CASK: variants seen among roughly 807,000 people sequenced by gnomAD.
CASK encodes peripheral plasma membrane protein CASK.
Under a neutral mutation model 82.9 loss-of-function variants are expected in CASK, and 4 were observed. The observed-to-expected ratio is 0.05, with a 90% CI of 0.02 to 0.11. CASK has a LOEUF of 0.11. Among genes scored for constraint, CASK ranks in the 10% least tolerant of loss-of-function variants. CASK has a pLI of 1.00. For synonymous variants in CASK, 259 were observed against 253.5 expected (o/e 1.02, Z -0.20); for missense variants, 358 against 720.9 (o/e 0.50, Z 5.76).
Position 41,530,473 on chromosome X carries a change from G to C in CASK, c.2520+534C>G, listed in dbSNP as rs112039391. ...TGTGCTCAGGTAAGGAAATGGCAGA[G>C]GCTGAGAGCCACCATGGGTTTCCAT... is the stretch of plus-strand genomic sequence containing the variant. On this transcript the variant is annotated intron_variant, in intron 25 of 26. Transcript: ENST00000378163. Among the ~76,000 whole-genome samples the C allele has an allele frequency of 5.3e-3, 596 of 112,153 alleles. 2 individuals carry two copies. Among genetic ancestry groups the C allele is most frequent in the African/African-American group, 0.017 (534 of 30,880 alleles).
At chrX:41,863,361 G>T (rs1336175446) in intron 1 of CASK, among the ~76,000 whole-genome samples, 1 of 111,617 alleles carries the variant, frequency 9.0e-6, no homozygotes, top group Non-Finnish European at 1.9e-5. Flanking sequence ...AGCACTTCAG[G>T]ATACAGAGGA....
At chrX:41,563,401 T>C (rs1416310658) in intron 16 of CASK, among the ~76,000 whole-genome samples, 1 of 94,735 alleles carries the variant, frequency 1.1e-5, no homozygotes, top group Non-Finnish European at 2.1e-5. Flanking sequence ...AAATGAACTA[T>C]GTGTCAAATT....
intron 5 of CASK, among the ~76,000 whole-genome samples, chrX:41,691,546 T>A (rs1198955621): frequency 1.8e-5 from 2 of 110,746 alleles, no homozygotes; most frequent in African/African-American, 6.6e-5. Context: ...GAGTCCTAAC[T>A]TGGGCACTGT....
intron 16 of CASK, chrX:41,562,644 A>T (rs1458799422): frequency 3.6e-5 from 4 of 112,043 alleles, no homozygotes; most frequent in African/African-American, 1.3e-4. Context: ...GTCAATGAAA[A>T]ATATCATAAT....
chrX:41,724,863 C>T (rs774096784), intron 5 of CASK, among the ~76,000 whole-genome samples: 6 of 112,029 alleles, frequency 5.4e-5, no homozygotes, highest in Non-Finnish European at 9.4e-5. Context: ...TATGCATTAT[C>T]TGCACAAGGT....
intron 12 of CASK, among the ~76,000 whole-genome samples, chrX:41,597,195 T>G (rs1001548578): frequency 8.9e-6 from 1 of 112,041 alleles, no homozygotes. Flanking sequence ...ATAAAATAAT[T>G]ATCACTGAGT....
intron 11 of CASK, among the ~76,000 whole-genome samples, chrX:41,620,540 T>C (rs754427929): frequency 7.2e-5 from 8 of 111,655 alleles, no homozygotes; most frequent in African/African-American, 2.6e-4. Flanking sequence ...CAATACTTTT[T>C]AAAAAAAATC....
At chrX:41,528,217 A>G (rs745449546) in intron 25 of CASK, among the ~76,000 whole-genome samples, 50 of 112,904 alleles carry the variant, frequency 4.4e-4, no homozygotes, top group Admixed American at 2.9e-3. Flanking sequence ...TCATAGGGTT[A>G]CAAGGATTAG....
At chrX:41,788,343 G>A (rs1051725763) in intron 2 of CASK, among the ~76,000 whole-genome samples, 14 of 110,557 alleles carry the variant, frequency 1.3e-4, no homozygotes, top group African/African-American at 3.9e-4. Context: ...CATGGAAATC[G>A]CTTGCCATGT....
At position 41,745,850 on chromosome X, in the gene CASK, A is replaced by G. The variant is rs2068677834; in HGVS notation, c.279-249T>C. Among the ~76,000 whole-genome samples the G allele has an allele frequency of 4.5e-5, 5 of 112,172 alleles. No individual in the cohort carries two copies. In the Admixed American group the frequency reaches 4.7e-4, roughly 11 times the overall value. On this transcript the variant is annotated intron_variant, in intron 3 of 26. Coordinates refer to ENST00000378163, the MANE Select transcript of CASK (RefSeq NM_001367721.1). ...AGTAATATCAAATAACATTGAGTAT[A>G]TAAAATTGACTATAATTTTTCTTTA...
At chrX:41,919,968 A>G (rs181699220) in intron 1 of CASK, among the ~76,000 whole-genome samples, 2,374 of 111,871 alleles carry the variant, frequency 0.021, 35 homozygotes, top group Admixed American at 0.051. Context: ...TTCTCAACCA[A>G]GGGGGAAAAA....
At chrX:41,842,838 A>T (rs1433299039) in intron 2 of CASK, among the ~76,000 whole-genome samples, 1 of 111,612 alleles carries the variant, frequency 9.0e-6, no homozygotes, top group Non-Finnish European at 1.9e-5. Context: ...GGACTTCCTT[A>T]ATTTTTCTCA....
chrX:41,706,130 A>G (rs1309007439), intron 5 of CASK, among the ~76,000 whole-genome samples: 1 of 111,926 alleles, frequency 8.9e-6, no homozygotes, highest in African/African-American at 3.3e-5. Flanking sequence ...AATAACTTTC[A>G]GCTGGCTGCA....
At chrX:41,566,466 G>T (rs1054070555) in intron 16 of CASK, among the ~76,000 whole-genome samples, 3 of 111,431 alleles carry the variant, frequency 2.7e-5, no homozygotes, top group African/African-American at 9.8e-5. Flanking sequence ...GCCAAATCAT[G>T]AGTGAACTCC....
chrX:41,867,218 G>A (rs1283335671), intron 1 of CASK, among the ~76,000 whole-genome samples: 2 of 111,947 alleles, frequency 1.8e-5, no homozygotes, highest in East Asian at 2.8e-4. Context: ...CTAGTTCTCT[G>A]AAGGCAGGAA....
intron 2 of CASK, among the ~76,000 whole-genome samples, chrX:41,837,553 A>G (rs976943153): frequency 8.9e-6 from 1 of 112,209 alleles, no homozygotes; most frequent in African/African-American, 3.2e-5. Flanking sequence ...CCAGTTCTAT[A>G]ATTTTATCAC....
intron 1 of CASK, among the ~76,000 whole-genome samples, chrX:41,908,428 C>A (rs960918831): frequency 9.0e-6 from 1 of 111,598 alleles, no homozygotes; most frequent in African/African-American, 3.3e-5. Flanking sequence ...CTAAACTTGG[C>A]AGTCACAAGG....
At chrX:41,626,011 C>T (rs1164912311) in intron 10 of CASK, among the ~76,000 whole-genome samples, 3 of 91,821 alleles carry the variant, frequency 3.3e-5, no homozygotes, top group Non-Finnish European at 6.2e-5. Flanking sequence ...GCCATGTTGG[C>T]CAGGCTGGTC....
intron 21 of CASK, chrX:41,552,580 C>T (rs747645754): frequency 1.8e-5 from 2 of 111,733 alleles, no homozygotes; most frequent in African/African-American, 6.5e-5. Flanking sequence ...GGCATCATCA[C>T]GGCAACGACT....
Sources: gnomAD v4.1 joint callset for allele counts (sites outside exome capture counted in the v4.1 genomes callset) on GRCh38, gnomAD v4.1.1 for gene constraint, MANE v1.5 for transcripts, NCBI Gene and HGNC (gene_info 2026-07-23, HGNC 2026-07-21) for gene names.